The following LAMA2 variants were observed in gnomAD, a reference collection of about 807,000 sequenced individuals.
LAMA2 encodes laminin subunit alpha 2.
Under a neutral mutation model 364.8 loss-of-function variants are expected in LAMA2, and 269 were observed. The observed-to-expected ratio is 0.74, with a 90% CI of 0.67 to 0.82. The LOEUF is 0.82. Ranked by LOEUF, LAMA2 falls within the 40% of genes least tolerant of loss-of-function variation. LAMA2 has a pLI of 0.00. For synonymous variants in LAMA2, 1,379 were observed against 1,370.6 expected (o/e 1.01, Z -0.14); for missense variants, 3,807 against 3,873.2 (o/e 0.98, Z 0.45).
At chr6:129,338,077 A>T (rs1347860819) in intron 29 of LAMA2, among the ~76,000 whole-genome samples, 1 of 152,176 alleles carries the variant, frequency 6.6e-6, no homozygotes, top group Non-Finnish European at 1.5e-5. Flanking sequence ...AGAATATTAC[A>T]ATATTTGCTT....
intron 28 of LAMA2, among the ~76,000 whole-genome samples, chr6:129,321,572 T>C (rs1331586164): frequency 6.6e-6 from 1 of 152,190 alleles, no homozygotes; most frequent in African/African-American, 2.4e-5. Flanking sequence ...TAGATATTAT[T>C]AAATCTCCCT....
At chr6:129,308,146 A>G (rs1018693535) in intron 22 of LAMA2, among the ~76,000 whole-genome samples, 71 of 152,256 alleles carry the variant, frequency 4.7e-4, no homozygotes, top group African/African-American at 1.6e-3. Flanking sequence ...TGGACAGGAC[A>G]TTCATTTTTC....
At chr6:129,513,200 A>G (rs1358955214) in intron 63 of LAMA2, among the ~76,000 whole-genome samples, 1 of 152,188 alleles carries the variant, frequency 6.6e-6, no homozygotes, top group Admixed American at 6.5e-5. Flanking sequence ...CCTCCCAAGA[A>G]GAAAAATCAC....
chr6:128,987,945 G>C (rs1783370363), intron 1 of LAMA2, among the ~76,000 whole-genome samples: 1 of 152,136 alleles, frequency 6.6e-6, no homozygotes, highest in African/African-American at 2.4e-5. Flanking sequence ...CGAGATCTCT[G>C]CTCACTGCAA....
intron 12 of LAMA2, among the ~76,000 whole-genome samples, chr6:129,241,355 A>G (rs911987289): frequency 2.0e-5 from 3 of 152,220 alleles, no homozygotes; most frequent in Admixed American, 6.5e-5. Context: ...TGCATTTAGA[A>G]TTATGAAATA....
At chr6:128,987,126 G>GTTT (rs377549921) in intron 1 of LAMA2, among the ~76,000 whole-genome samples, 105 of 121,022 alleles carry the variant, frequency 8.7e-4, no homozygotes, top group East Asian at 2.2e-3. Context: ...AGGATAGTTT[G>GTTT]TTTTTTTTTT....
At chr6:129,368,052 C>T (rs538955816) in intron 33 of LAMA2, among the ~76,000 whole-genome samples, 2 of 152,252 alleles carry the variant, frequency 1.3e-5, no homozygotes, top group East Asian at 3.9e-4. Flanking sequence ...GCTATGACCC[C>T]ACATTTAATT....
intron 20 of LAMA2, chr6:129,293,097 C>T: frequency 1.0e-6 from 1 of 985,528 alleles, no homozygotes. Context: ...TGGCTCATGC[C>T]TCTGCATGTT....
Position 129,383,177 on chromosome 6 carries a change from A to G in LAMA2, c.5015A>G (p.Asn1672Ser). The change falls in exon 35 of 65, where the codon AAC becomes AGC. Residue 1672 changes from asparagine (N) to serine (S), a missense_variant. By Grantham distance (46) the Asn-to-Ser change is conservative. This residue lies in a region of LAMA2 where 3,333 missense variants were observed against 3,345.7 expected (regional missense o/e 1.00). Transcript: ENST00000421865. Reference protein sequence around the residue: ...EQTGQDAERTNTRAKSLGEFI... With the variant: ...EQTGQDAERTSTRAKSLGEFI... ...ACCGGACAGGATGCTGAGAGGACCA[A>G]CACAAGAGCAAAGTCCCTGGGAGAA... 1.2e-6 allele frequency: 2 copies of G among 1,613,938 alleles called. No homozygotes were observed. The highest frequency in any genetic ancestry group is 2.2e-5 in the South Asian group (2 of 91,060).
chr6:129,080,686 CAA>C (rs1196212009), intron 3 of LAMA2, among the ~76,000 whole-genome samples: 38 of 152,252 alleles, frequency 2.5e-4, no homozygotes, highest in African/African-American at 6.7e-4. Context: ...ATCAAAACCA[CAA>C]AGAGATACCA....
chr6:129,059,267 C>G (rs12210013), intron 2 of LAMA2, among the ~76,000 whole-genome samples: 16,355 of 152,062 alleles, frequency 0.11, 907 homozygotes, highest in East Asian at 0.16. Flanking sequence ...AATTTAACAG[C>G]ATTTTATGTT....
At chr6:129,300,384 A>G (rs1583446711) in intron 21 of LAMA2, among the ~76,000 whole-genome samples, 1 of 152,188 alleles carries the variant, frequency 6.6e-6, no homozygotes, top group East Asian at 1.9e-4. Flanking sequence ...CTTAAAATAA[A>G]TATACAAACA....
intron 27 of LAMA2, among the ~76,000 whole-genome samples, chr6:129,318,821 A>G (rs1774775898): frequency 6.6e-6 from 1 of 152,244 alleles, no homozygotes; most frequent in South Asian, 2.1e-4. Flanking sequence ...TATGCTTGTT[A>G]TAAAGTTTAT....
chr6:129,143,052 T>C (rs1778224784), intron 4 of LAMA2, among the ~76,000 whole-genome samples: 1 of 152,028 alleles, frequency 6.6e-6, no homozygotes, highest in Non-Finnish European at 1.5e-5. Flanking sequence ...CAGTTTATTC[T>C]TCATCAGAAT....
At chr6:129,348,291 G>A (rs4124423) in intron 30 of LAMA2, among the ~76,000 whole-genome samples, 1 of 152,144 alleles carries the variant, frequency 6.6e-6, no homozygotes, top group African/African-American at 2.4e-5. Context: ...TTAACATTAG[G>A]TCCTAATGGC....
chr6:129,342,889 T>C (rs1342367951), intron 30 of LAMA2, among the ~76,000 whole-genome samples: 1 of 152,122 alleles, frequency 6.6e-6, no homozygotes, highest in African/African-American at 2.4e-5. Flanking sequence ...TAATTCAAGA[T>C]TGGGAAATAA....
chr6:128,933,614 G>A (rs1230276697), intron 1 of LAMA2, among the ~76,000 whole-genome samples: 2 of 152,068 alleles, frequency 1.3e-5, no homozygotes, highest in African/African-American at 2.4e-5. Context: ...TAATAGCCAT[G>A]CTAATAGGTA....
rs551098021 is a variant in LAMA2 at position 128,964,523 on chromosome 6, C to T, written c.112+81166C>T. ...TCATTCATAATGGACAGAATATCTA[C>T]AATGTTTTGAATCCCTACTTTCAAA... On this transcript the variant is annotated intron_variant, in intron 1 of 64. Coordinates refer to ENST00000421865, the MANE Select transcript of LAMA2 (RefSeq NM_000426.4). Among the ~76,000 whole-genome samples, 286 of 152,122 alleles carry T rather than the reference C, an allele frequency of 1.9e-3. 2 individuals carry two copies. The highest frequency in any genetic ancestry group is 6.5e-3 in the African/African-American group (270 of 41,542).
intron 3 of LAMA2, among the ~76,000 whole-genome samples, chr6:129,096,968 T>C (rs190859977): frequency 6.6e-6 from 1 of 152,274 alleles, no homozygotes; most frequent in Admixed American, 6.5e-5. Flanking sequence ...TATGCATGAG[T>C]TACCATGTCA....
Sources: gnomAD v4.1 joint callset for allele counts (sites outside exome capture counted in the v4.1 genomes callset) on GRCh38, gnomAD v4.1.1 for gene constraint, gnomAD v4.1.1 regional missense constraint, MANE v1.5 for transcripts, NCBI Gene and HGNC (gene_info 2026-07-23, HGNC 2026-07-21) for gene names.